The following SOX6 variants were observed in gnomAD, a reference collection of about 807,000 sequenced individuals.
SOX6 encodes the protein SRY-box transcription factor 6.
In SOX6, 11 loss-of-function variants were observed where a neutral mutation model predicts 97.8. The observed-to-expected ratio is 0.11, with a 90% CI of 0.07 to 0.19. The LOEUF (loss-of-function observed/expected upper bound fraction) is 0.19, where lower values mean the gene tolerates loss of function less well. SOX6 is among the 10% of genes least tolerant of loss of function. The probability of loss-of-function intolerance (pLI) is 1.00; values close to 1 mark genes in which losing one functional copy is unlikely to be tolerated. For synonymous variants in SOX6, 360 were observed against 371.4 expected (o/e 0.97, Z 0.35); for missense variants, 810 against 1,039.5 (o/e 0.78, Z 3.04).
chr11:16,005,699 A>C (rs990957457), intron 13 of SOX6, among the ~76,000 whole-genome samples: 1 of 152,078 alleles, frequency 6.6e-6, no homozygotes, highest in Non-Finnish European at 1.5e-5. Context: ...TAAAAAATAC[A>C]TTGATACCAG....
At chr11:16,501,946 G>C (rs1379419722) in intron 4 of SOX6, among the ~76,000 whole-genome samples, 2 of 152,178 alleles carry the variant, frequency 1.3e-5, no homozygotes, top group Admixed American at 1.3e-4. Flanking sequence ...ATTTGACCCA[G>C]CCATCCCGTT....
At chr11:16,380,130 A>G (rs1203126284) in intron 1 of SOX6, among the ~76,000 whole-genome samples, 2 of 151,890 alleles carry the variant, frequency 1.3e-5, no homozygotes, top group Non-Finnish European at 2.9e-5. Context: ...TTATTTTTAT[A>G]TGTATTGCCT....
intron 4 of SOX6, among the ~76,000 whole-genome samples, chr11:16,544,408 G>C (rs1469867058): frequency 2.0e-5 from 3 of 152,008 alleles, no homozygotes; most frequent in Non-Finnish European, 2.9e-5. Context: ...ACAGGCATGA[G>C]CTACCATGCC....
intron 4 of SOX6, among the ~76,000 whole-genome samples, chr11:16,603,291 G>C (rs1023253471): frequency 6.6e-6 from 1 of 152,154 alleles, no homozygotes; most frequent in South Asian, 2.1e-4. Context: ...AGAAAGTGCA[G>C]GCTAAAGCAG....
chr11:16,099,496 A>G (rs1244175615), intron 7 of SOX6, among the ~76,000 whole-genome samples: 1 of 151,782 alleles, frequency 6.6e-6, no homozygotes, highest in Non-Finnish European at 1.5e-5. Context: ...TGCCTCCTGG[A>G]ACATTTTAGA....
At chr11:16,540,367 C>T (rs1049702719) in intron 4 of SOX6, among the ~76,000 whole-genome samples, 1 of 152,052 alleles carries the variant, frequency 6.6e-6, no homozygotes, top group African/African-American at 2.4e-5. Flanking sequence ...CAATATCATA[C>T]TGAATGGGCA....
At chr11:16,055,629 C>T in intron 10 of SOX6, 123 bp downstream of exon 10, 1 of 1,118,062 alleles carries the variant, frequency 8.9e-7, no homozygotes, top group Non-Finnish European at 1.3e-6. Flanking sequence ...TAAAGAGGGA[C>T]ATTTTGGGGT....
intron 7 of SOX6, among the ~76,000 whole-genome samples, chr11:16,109,161 GTC>G (rs1849167059): frequency 6.6e-6 from 1 of 151,996 alleles, no homozygotes. Flanking sequence ...AGTCATTGCT[GTC>G]TCACATACAT....
At chr11:16,463,355 G>A (rs1488725875) in intron 1 of SOX6, among the ~76,000 whole-genome samples, 1 of 152,104 alleles carries the variant, frequency 6.6e-6, no homozygotes, top group Non-Finnish European at 1.5e-5. Flanking sequence ...AAACAGTCAT[G>A]GTCTCTTCCC....
intron 4 of SOX6, among the ~76,000 whole-genome samples, chr11:16,543,356 T>C (rs546036435): frequency 2.0e-5 from 3 of 152,196 alleles, no homozygotes; most frequent in East Asian, 1.9e-4. Flanking sequence ...TGAGCTTCTA[T>C]TGAAAATGTG....
At chr11:16,641,743 G>A (rs1314170654) in intron 3 of SOX6, among the ~76,000 whole-genome samples, 1 of 151,746 alleles carries the variant, frequency 6.6e-6, no homozygotes, top group Non-Finnish European at 1.5e-5. Context: ...GCCTTTTTTT[G>A]TTTTCCATTT....
intron 3 of SOX6, among the ~76,000 whole-genome samples, chr11:16,630,220 C>T (rs368573752): frequency 1.3e-5 from 2 of 152,076 alleles, no homozygotes; most frequent in East Asian, 3.9e-4. Flanking sequence ...TTGAGGTAGG[C>T]AATTACCACT....
At chr11:16,023,909 G>A (rs919932276) in intron 12 of SOX6, among the ~76,000 whole-genome samples, 5 of 152,120 alleles carry the variant, frequency 3.3e-5, no homozygotes, top group African/African-American at 4.8e-5. Context: ...ATAACTTCAC[G>A]AGATTTGGAA....
At chr11:16,413,512 CTTTTT>C (rs752774148) in intron 1 of SOX6, among the ~76,000 whole-genome samples, 1 of 76,226 alleles carries the variant, frequency 1.3e-5, no homozygotes, top group African/African-American at 5.4e-5. Context: ...AAGACTTCTA[CTTTTT>C]TTTTTTTTTT....
At chr11:16,365,851 A>T (rs1298660374) in intron 1 of SOX6, among the ~76,000 whole-genome samples, 1 of 152,150 alleles carries the variant, frequency 6.6e-6, no homozygotes, top group Non-Finnish European at 1.5e-5. Flanking sequence ...AAGCTCTTAG[A>T]CTAATGAATT....
chr11:16,712,434 T>C (rs1848189092), intron 3 of SOX6, among the ~76,000 whole-genome samples: 1 of 152,212 alleles, frequency 6.6e-6, no homozygotes, highest in Admixed American at 6.5e-5. Flanking sequence ...TTTTTAATTA[T>C]GGCCATTCTT....
At chr11:16,037,446 G>C (rs750619607) in intron 12 of SOX6, among the ~76,000 whole-genome samples, 3 of 152,160 alleles carry the variant, frequency 2.0e-5, no homozygotes, top group Non-Finnish European at 4.4e-5. Flanking sequence ...GAGTGCAAAA[G>C]AGCCCAAGGC....
At chr11:16,266,991 T>C (rs972833514) in intron 3 of SOX6, among the ~76,000 whole-genome samples, 14 of 40,104 alleles carry the variant, frequency 3.5e-4, no homozygotes, top group African/African-American at 1.4e-3. Context: ...ATAACCCGTA[T>C]GTAAAAGAAT....
At chr11:16,514,907 T>A (rs1483072223) in intron 4 of SOX6, among the ~76,000 whole-genome samples, 1 of 151,812 alleles carries the variant, frequency 6.6e-6, no homozygotes, top group Non-Finnish European at 1.5e-5. Flanking sequence ...TAGTATTCCA[T>A]GGTGTATATG....
Sources: allele counts gnomAD v4.1 joint callset (sites outside exome capture counted in the v4.1 genomes callset), GRCh38; gene constraint gnomAD v4.1.1; transcripts MANE v1.5; gene names NCBI Gene and HGNC (gene_info 2026-07-23, HGNC 2026-07-21).